RNGTT: variants seen among roughly 807,000 people sequenced by gnomAD.
The protein encoded by RNGTT is RNA guanylyltransferase and 5'-phosphatase.
In RNGTT, 33 loss-of-function variants were observed where a neutral mutation model predicts 79.3. That is an observed-to-expected ratio of 0.42 (90% CI 0.32 to 0.56). RNGTT has a LOEUF of 0.56. Among genes scored for constraint, RNGTT ranks in the 20% least tolerant of loss-of-function variants. The probability of loss-of-function intolerance (pLI) is 0.17; values close to 1 mark genes in which losing one functional copy is unlikely to be tolerated. For synonymous variants in RNGTT, 222 were observed against 235.9 expected (o/e 0.94, Z 0.54); for missense variants, 497 against 739.1 (o/e 0.67, Z 3.80).
At chr6:88,940,533 T>C (rs758765581) in intron 2 of RNGTT, among the ~76,000 whole-genome samples, 2 of 152,206 alleles carry the variant, frequency 1.3e-5, no homozygotes, top group Non-Finnish European at 2.9e-5. Flanking sequence ...ACACAGTCAG[T>C]TTCCTTGGTA....
chr6:88,808,699 C>CA (rs1308468189), intron 11 of RNGTT, among the ~76,000 whole-genome samples: 2 of 152,094 alleles, frequency 1.3e-5, no homozygotes, highest in Non-Finnish European at 2.9e-5. Flanking sequence ...AGCTTGAGCC[C>CA]AGGAGTTCAA....
At chr6:88,900,840 T>C (rs1206350634) in intron 6 of RNGTT, among the ~76,000 whole-genome samples, 1 of 144,076 alleles carries the variant, frequency 6.9e-6, no homozygotes, top group Non-Finnish European at 1.5e-5. Flanking sequence ...AAACAGTTTT[T>C]AAAAAAAAAA....
chr6:88,944,936 C>T (rs557886350), intron 1 of RNGTT, among the ~76,000 whole-genome samples: 1 of 152,318 alleles, frequency 6.6e-6, no homozygotes, highest in South Asian at 2.1e-4. Context: ...TCTTTTTCCC[C>T]TCTTGCTTCC....
At chr6:88,855,991 T>C (rs1026170380) in intron 8 of RNGTT, among the ~76,000 whole-genome samples, 3 of 152,262 alleles carry the variant, frequency 2.0e-5, no homozygotes, top group Non-Finnish European at 4.4e-5. Context: ...CCCATCATGT[T>C]GTTAAGGACT....
At chr6:88,906,943 T>C (rs935820784) in intron 4 of RNGTT, among the ~76,000 whole-genome samples, 4 of 152,110 alleles carry the variant, frequency 2.6e-5, no homozygotes, top group Non-Finnish European at 5.9e-5. Flanking sequence ...AAATATAAAT[T>C]CATATGGGGC....
At chr6:88,653,005 G>A (rs529841587) in intron 14 of RNGTT, among the ~76,000 whole-genome samples, 5 of 152,214 alleles carry the variant, frequency 3.3e-5, no homozygotes, top group South Asian at 2.1e-4. Flanking sequence ...ATCTAGATCC[G>A]AAACTGTGGC....
chr6:88,913,214 C>CAAAAAAAAAAAAAA (rs58717773), intron 4 of RNGTT, among the ~76,000 whole-genome samples: 3 of 65,498 alleles, frequency 4.6e-5, no homozygotes, highest in Admixed American at 1.7e-4. Context: ...CAAAAAAAAA[C>CAAAAAAAAAAAAAA]AAAAAAAAAA....
chr6:88,827,547 T>A (rs1014683771), intron 11 of RNGTT, among the ~76,000 whole-genome samples: 2 of 152,112 alleles, frequency 1.3e-5, no homozygotes, highest in Non-Finnish European at 2.9e-5. Context: ...ACAGAACTGT[T>A]CACTCCCCTG....
chr6:88,644,740 A>G (rs1306982730), intron 14 of RNGTT, among the ~76,000 whole-genome samples: 8 of 152,240 alleles, frequency 5.3e-5, no homozygotes, highest in Non-Finnish European at 7.3e-5. Flanking sequence ...AAACAGAACC[A>G]AAGACAAAAA....
chr6:88,734,880 G>T (rs1777233651), intron 13 of RNGTT, among the ~76,000 whole-genome samples: 1 of 152,146 alleles, frequency 6.6e-6, no homozygotes, highest in Non-Finnish European at 1.5e-5. Context: ...ATAAGCTAAT[G>T]CAAGTGCTCT....
chr6:88,693,123 A>G (rs948980814), intron 13 of RNGTT, among the ~76,000 whole-genome samples: 1 of 152,040 alleles, frequency 6.6e-6, no homozygotes, highest in Non-Finnish European at 1.5e-5. Flanking sequence ...AGGAAACAAT[A>G]AAGATCAAAG....
intron 11 of RNGTT, among the ~76,000 whole-genome samples, chr6:88,819,346 G>A (rs376853181): frequency 1.9e-4 from 29 of 152,112 alleles, no homozygotes; most frequent in African/African-American, 6.7e-4. Flanking sequence ...GGCAAGGCGG[G>A]GCTCATGAAT....
chr6:88,911,139 C>T (rs1013634650), intron 4 of RNGTT, among the ~76,000 whole-genome samples: 2 of 152,112 alleles, frequency 1.3e-5, no homozygotes, highest in African/African-American at 4.8e-5. Flanking sequence ...TATCATTAAC[C>T]TTGAATGTAA....
chr6:88,750,365 T>A (rs1466838964), intron 13 of RNGTT, among the ~76,000 whole-genome samples: 2 of 152,080 alleles, frequency 1.3e-5, no homozygotes, highest in African/African-American at 4.8e-5. Flanking sequence ...AATGCAAGTT[T>A]GAATAACGAT....
chr6:88,747,320 CA>C (rs921145847), intron 13 of RNGTT, among the ~76,000 whole-genome samples: 3 of 152,144 alleles, frequency 2.0e-5, no homozygotes, highest in African/African-American at 7.2e-5. Context: ...ACCTTTTTCC[CA>C]AACCACTCAT....
chr6:88,927,018 A>G (rs779907510), intron 4 of RNGTT, among the ~76,000 whole-genome samples: 164 of 152,316 alleles, frequency 1.1e-3, no homozygotes, highest in Non-Finnish European at 1.6e-3. Context: ...TCCGTTAATT[A>G]TCTAAATAAG....
intron 11 of RNGTT, among the ~76,000 whole-genome samples, chr6:88,831,125 G>A (rs1444675558): frequency 1.3e-5 from 2 of 152,086 alleles, no homozygotes; most frequent in Non-Finnish European, 2.9e-5. Flanking sequence ...AACTGGCAGA[G>A]ACACAACAAA....
chr6:88,863,220 A>G (rs1354029686), intron 8 of RNGTT, among the ~76,000 whole-genome samples: 1 of 152,232 alleles, frequency 6.6e-6, no homozygotes, highest in East Asian at 1.9e-4. Context: ...TGTTAATTGT[A>G]TATTAAACGG....
intron 7 of RNGTT, 137 bp from the exon 8 acceptor site, chr6:88,890,733 T>C (rs1030306689): frequency 2.0e-6 from 1 of 512,594 alleles, no homozygotes. Context: ...TGGAATAACA[T>C]CCGCTTTCAC....
Sources: gnomAD v4.1 joint callset for allele counts (sites outside exome capture counted in the v4.1 genomes callset) on GRCh38, gnomAD v4.1.1 for gene constraint, MANE v1.5 for transcripts, NCBI Gene and HGNC (gene_info 2026-07-23, HGNC 2026-07-21) for gene names.